DACH1: variants seen among roughly 807,000 people sequenced by gnomAD.
The protein encoded by DACH1 is dachshund homolog 1.
A neutral mutation model predicts 54.2 loss-of-function variants in DACH1; 12 were observed. That is an observed-to-expected ratio of 0.22 (90% CI 0.14 to 0.36). The LOEUF (loss-of-function observed/expected upper bound fraction) is 0.36. Among genes scored for constraint, DACH1 ranks in the 10% least tolerant of loss-of-function variants. The probability of loss-of-function intolerance (pLI) is 1.00; values close to 1 mark genes in which losing one functional copy is unlikely to be tolerated. For synonymous variants in DACH1, 386 were observed against 366.2 expected (o/e 1.05, Z -0.62); for missense variants, 805 against 929.8 (o/e 0.87, Z 1.75).
chr13:71,573,300 A>T (rs1010699461), intron 3 of DACH1: 1 of 626,010 alleles, frequency 1.6e-6, no homozygotes, highest in African/African-American at 1.9e-5. Context: ...GTTTTCTTTA[A>T]CTTATCCCAA....
At chr13:71,554,717 T>G (rs1884126807) in intron 6 of DACH1, among the ~76,000 whole-genome samples, 1 of 152,148 alleles carries the variant, frequency 6.6e-6, no homozygotes, top group African/African-American at 2.4e-5. Context: ...ATGTAGTACA[T>G]TCTAGTAGTG....
rs544707881 is a variant in DACH1 at position 71,846,874 on chromosome 13, A to T, written c.848+19048T>A. Among the ~76,000 whole-genome samples, 38 of 152,286 alleles carry T rather than the reference A, an allele frequency of 2.5e-4. 1 individual carries two copies. In the South Asian group the frequency reaches 7.7e-3, roughly 31 times the overall value. On this transcript the variant is annotated intron_variant, in intron 1 of 10. Transcript: ENST00000613252. ...TGGGAGTGAAGGTGACCACGTACTTAAAATATTTAATATAATCCCTATCAA... is the reference window on the plus strand; with the variant it reads ...TGGGAGTGAAGGTGACCACGTACTTTAAATATTTAATATAATCCCTATCAA...
chr13:71,692,868 G>T (rs1265820083), intron 1 of DACH1, among the ~76,000 whole-genome samples: 1 of 151,882 alleles, frequency 6.6e-6, no homozygotes, highest in African/African-American at 2.4e-5. Flanking sequence ...TATTTAAGAA[G>T]AATTTAAATA....
At chr13:71,686,148 T>C (rs1197310215) in intron 1 of DACH1, among the ~76,000 whole-genome samples, 1 of 152,218 alleles carries the variant, frequency 6.6e-6, no homozygotes, top group African/African-American at 2.4e-5. Context: ...TTACACTTAA[T>C]AGCTTGAATA....
intron 1 of DACH1, among the ~76,000 whole-genome samples, chr13:71,832,319 G>C (rs1888623196): frequency 6.6e-6 from 1 of 151,886 alleles, no homozygotes; most frequent in Non-Finnish European, 1.5e-5. Context: ...TGGTAAAAAT[G>C]AGAGTATTGT....
chr13:71,675,058 T>C (rs1880470364), intron 2 of DACH1: 5 of 1,340,256 alleles, frequency 3.7e-6, no homozygotes, highest in African/African-American at 2.9e-5. Flanking sequence ...AGGAGGTCTC[T>C]GTACCACGGC....
chr13:71,628,944 C>A (rs1877122816), intron 3 of DACH1, among the ~76,000 whole-genome samples: 1 of 152,010 alleles, frequency 6.6e-6, no homozygotes, highest in African/African-American at 2.4e-5. Flanking sequence ...ATAAAACCAA[C>A]TATTAAGAAC....
chr13:71,535,702 A>G (rs1183838359), intron 6 of DACH1, among the ~76,000 whole-genome samples: 1 of 151,956 alleles, frequency 6.6e-6, no homozygotes, highest in African/African-American at 2.4e-5. Flanking sequence ...TTATTTACCA[A>G]TCTTGATTTT....
chr13:71,489,689 T>C (rs1026205904), intron 6 of DACH1, among the ~76,000 whole-genome samples: 1 of 152,124 alleles, frequency 6.6e-6, no homozygotes, highest in Non-Finnish European at 1.5e-5. Flanking sequence ...AATCCAAATA[T>C]GTATTTCTAA....
chr13:71,483,382 T>C (rs1878219205), intron 7 of DACH1, among the ~76,000 whole-genome samples: 1 of 146,722 alleles, frequency 6.8e-6, no homozygotes. Context: ...AAATTATGTA[T>C]CAATAATTAA....
In DACH1 at chr13:71,439,945, A is replaced by T. The variant is rs1455726394; in HGVS notation, c.*710T>A. ...GAATGAAAACATGTTACACTTATATATTTTTTTTTATTTTTAAGAAAAAAA... is the reference window on the plus strand; with the variant it reads ...GAATGAAAACATGTTACACTTATATTTTTTTTTTTATTTTTAAGAAAAAAA... On this transcript the variant is annotated 3_prime_UTR_variant, in exon 11 of 11. Transcript: ENST00000613252. 1 of 151,024 alleles carries T rather than the reference A, an allele frequency of 6.6e-6. No homozygotes were observed. The highest frequency in any genetic ancestry group is 1.9e-4 in the East Asian group (1 of 5,130). 9.4% of individuals were successfully genotyped at this position (151,024 alleles called of 1,614,324 possible).
chr13:71,804,053 T>C (rs1229852657), intron 1 of DACH1, among the ~76,000 whole-genome samples: 1 of 152,144 alleles, frequency 6.6e-6, no homozygotes, highest in Admixed American at 6.6e-5. Context: ...GTGTAGTGGC[T>C]CACATAGGTA....
At chr13:71,769,266 C>T (rs1185276757) in intron 1 of DACH1, among the ~76,000 whole-genome samples, 1 of 151,560 alleles carries the variant, frequency 6.6e-6, no homozygotes, top group Non-Finnish European at 1.5e-5. Context: ...TTCTTAACCA[C>T]ATTAAAGATT....
chr13:71,461,479 A>G (rs4883892), intron 10 of DACH1, among the ~76,000 whole-genome samples: 140,969 of 152,014 alleles, frequency 0.93, 66,209 homozygotes, highest in Non-Finnish European at 1. Context: ...AGCCCGCATC[A>G]TACTCAGGCT....
chr13:71,529,080 T>A (rs1437231233), intron 6 of DACH1, among the ~76,000 whole-genome samples: 1 of 151,802 alleles, frequency 6.6e-6, no homozygotes, highest in East Asian at 1.9e-4. Flanking sequence ...TGGTAACACA[T>A]GGTAAGGGAA....
chr13:71,504,877 G>A (rs889216761), intron 6 of DACH1, among the ~76,000 whole-genome samples: 1 of 152,072 alleles, frequency 6.6e-6, no homozygotes, highest in Non-Finnish European at 1.5e-5. Flanking sequence ...ATGTCTCTCT[G>A]TACTGTGAGC....
At chr13:71,508,537 G>C (rs1880509366) in intron 6 of DACH1, among the ~76,000 whole-genome samples, 1 of 151,728 alleles carries the variant, frequency 6.6e-6, no homozygotes, top group African/African-American at 2.4e-5. Context: ...CATGATTATA[G>C]CTCACTGCAG....
At position 71,713,662 on chromosome 13, in the gene DACH1, G is replaced by T. The variant is rs983773912; in HGVS notation, c.849-31752C>A. Among the ~76,000 whole-genome samples the T allele has an allele frequency of 1.1e-4, 17 of 152,126 alleles. 1 individual carries two copies. Among genetic ancestry groups the T allele is most frequent in the Non-Finnish European group, 2.5e-4 (17 of 67,992 alleles). Reference sequence around the variant, plus strand: ...AGGTATGAAGACATAATTGATTAAAGATACAAATTAAAATATTTGTTATTC... The same window carrying T: ...AGGTATGAAGACATAATTGATTAAATATACAAATTAAAATATTTGTTATTC... On this transcript the variant is annotated intron_variant, in intron 1 of 10. Transcript: ENST00000613252.
chr13:71,839,271 A>C (rs569451897), intron 1 of DACH1, among the ~76,000 whole-genome samples: 79 of 152,298 alleles, frequency 5.2e-4, no homozygotes, highest in African/African-American at 1.6e-3. Context: ...TTAAAATGTC[A>C]GTTCATACAG....
Sources: allele counts gnomAD v4.1 joint callset (sites outside exome capture counted in the v4.1 genomes callset), GRCh38; gene constraint gnomAD v4.1.1; transcripts MANE v1.5; gene names NCBI Gene and HGNC (gene_info 2026-07-23, HGNC 2026-07-21).